Variants in PPP1R12A observed in about 807,000 individuals in gnomAD.
The protein encoded by PPP1R12A is myosin binding subunit.
A neutral mutation model predicts 139.6 loss-of-function variants in PPP1R12A; 19 were observed. The observed-to-expected ratio is 0.14, with a 90% CI of 0.09 to 0.20. PPP1R12A has a LOEUF of 0.20. Ranked by LOEUF, PPP1R12A falls within the 10% of genes least tolerant of loss-of-function variation. PPP1R12A has a pLI of 1.00. For synonymous variants in PPP1R12A, 427 were observed against 420.6 expected, an observed-to-expected ratio of 1.02 and a Z score of -0.19; for missense variants, 925 against 1,211.5, an observed-to-expected ratio of 0.76 and a Z score of 3.51.
chr12:79,933,726 C>G (rs1438105831), intron 1 of PPP1R12A, among the ~76,000 whole-genome samples: 1 of 152,214 alleles, frequency 6.6e-6, no homozygotes, highest in African/African-American at 2.4e-5. Context: ...GCAACATTAT[C>G]TCTGGATTGC....
chr12:79,794,193 T>C (rs1872232051), intron 18 of PPP1R12A, among the ~76,000 whole-genome samples: 2 of 152,048 alleles, frequency 1.3e-5, no homozygotes, highest in South Asian at 4.1e-4. Flanking sequence ...CTTTTCTATA[T>C]TAAAAATCAA....
At chr12:79,899,346 T>C (rs891622447) in intron 1 of PPP1R12A, among the ~76,000 whole-genome samples, 6 of 151,354 alleles carry the variant, frequency 4.0e-5, no homozygotes, top group Admixed American at 1.3e-4. Context: ...ATTCAGAACA[T>C]ACCATTACTA....
chr12:79,905,242 A>C lies in PPP1R12A; in HGVS notation c.237+29453T>G, dbSNP rs529686936. 2.0e-5 allele frequency among the ~76,000 whole-genome samples: 3 copies of C among 152,192 alleles called. No individual in the cohort carries two copies. In the East Asian group the frequency reaches 5.8e-4, roughly 29 times the overall value. ...ATTGAAAAGCCCATTAAACCTAAAA[A>C]CAGCACTACTAGAGCTTAACAACAA... On this transcript the variant is annotated intron_variant, in intron 1 of 24. Transcript: ENST00000450142.
rs116056218 is a variant in PPP1R12A, at chr12:79,882,088, G to C, written c.238-9150C>G. ...AAGGGGTCTGATGGGAGATGTACAG[G>C]ATTAATGTTGTTTTCATGCCTGCTA... is the stretch of plus-strand genomic sequence containing the variant. On this transcript the variant is annotated intron_variant, in intron 1 of 24. Transcript: ENST00000450142. Among the ~76,000 whole-genome samples the C allele has an allele frequency of 5.2e-3, 788 of 152,276 alleles. 5 individuals are homozygous for C. Among genetic ancestry groups the C allele is most frequent in the African/African-American group, 0.018 (748 of 41,566 alleles).
chr12:79,931,197 C>T (rs1189112541), intron 1 of PPP1R12A, among the ~76,000 whole-genome samples: 1 of 152,140 alleles, frequency 6.6e-6, no homozygotes, highest in Non-Finnish European at 1.5e-5. Flanking sequence ...CTATGAAAAT[C>T]TATATTTGAA....
In PPP1R12A at chr12:79,808,274, C is replaced by T. The variant is rs550245028; in HGVS notation, c.1550+209G>A. 1.2e-4 allele frequency among the ~76,000 whole-genome samples: 18 copies of T among 152,154 alleles called. No individual in the cohort carries two copies. The East Asian group carries it at 3.5e-3, about 29-fold the overall frequency. ...CTCCCACTTTCCCCTTACTCTGTTC[C>T]AGCCACATCTTCTTTGCTATTATTT... On this transcript the variant is annotated intron_variant, in intron 11 of 24. Coordinates refer to ENST00000450142, the MANE Select transcript of PPP1R12A (RefSeq NM_002480.3).
chr12:79,805,670 G>A lies in PPP1R12A; in HGVS notation c.1922C>T (p.Ala641Val). Residue 641 changes from alanine to valine, a missense_variant, in exon 14 of 25, where the codon GCT becomes GTT. Coordinates refer to ENST00000450142, the MANE Select transcript of PPP1R12A (RefSeq NM_002480.3). ...TIPVAPTVVN[A>V]AASTTTLTTT... is the part of the protein sequence containing the mutation. ...AGTCAGGGTTGTGGTAGAAGCTGCA[G>A]CATTTACAACAGTTGGAGCAACAGG... is the stretch of plus-strand genomic sequence containing the variant. The A allele has an allele frequency of 6.2e-7, 1 of 1,613,794 alleles. No homozygotes were observed. Among genetic ancestry groups the A allele is most frequent in the Non-Finnish European group, 8.5e-7 (1 of 1,179,790 alleles).
rs1396930999 is a variant in PPP1R12A at position 79,806,251 on chromosome 12, C to A, written c.1738G>T (p.Ala580Ser). The A allele has an allele frequency of 6.2e-7, 1 of 1,613,910 alleles. No homozygotes were observed. Among genetic ancestry groups the A allele is most frequent in the South Asian group, 1.1e-5 (1 of 91,086 alleles). The change falls in exon 13 of 25, where the codon GCT becomes TCT. Residue 580 changes from alanine to serine, a missense_variant. Physicochemically the swap from Ala to Ser is moderately conservative, Grantham distance 99. Coordinates refer to ENST00000450142, the MANE Select transcript of PPP1R12A (RefSeq NM_002480.3). ...GAAAGCAGGCTTTTCTGAAGCCCAG[C>A]TGCAGAGGTAACTGTTGGTGTTGAT... Reference protein sequence around the residue: ...TTSTPTVTSAAGLQKSLLSST... With the variant: ...TTSTPTVTSASGLQKSLLSST...
chr12:79,834,803 A>G (rs1321868958), intron 3 of PPP1R12A, among the ~76,000 whole-genome samples: 1 of 152,154 alleles, frequency 6.6e-6, no homozygotes, highest in East Asian at 1.9e-4. Context: ...TTTTTCCCCA[A>G]CCATTCTATT....
intron 1 of PPP1R12A, among the ~76,000 whole-genome samples, chr12:79,915,974 G>A (rs554843124): frequency 6.9e-6 from 1 of 145,072 alleles, no homozygotes; most frequent in African/African-American, 2.7e-5. Flanking sequence ...ATTTCCCCCA[G>A]TTATGTTTCT....
chr12:79,920,177 T>A (rs1007189955), intron 1 of PPP1R12A, among the ~76,000 whole-genome samples: 1 of 152,240 alleles, frequency 6.6e-6, no homozygotes, highest in Non-Finnish European at 1.5e-5. Context: ...TTAAGATTCA[T>A]CTTTGTAGCA....
At chr12:79,917,033 C>T (rs1407613722) in intron 1 of PPP1R12A, among the ~76,000 whole-genome samples, 4 of 152,144 alleles carry the variant, frequency 2.6e-5, no homozygotes, top group Admixed American at 6.5e-5. Flanking sequence ...TAAATAACCC[C>T]CCAAAGGGCT....
At chr12:79,921,643 T>C (rs1887449220) in intron 1 of PPP1R12A, among the ~76,000 whole-genome samples, 1 of 152,216 alleles carries the variant, frequency 6.6e-6, no homozygotes. Context: ...CTAGATTGTA[T>C]ACTACATGTA....
In PPP1R12A at chr12:79,775,666, T is replaced by TAA; in HGVS notation, c.*261_*262dup. ...GCTGTAAACAAGTTTTCTCAGTCATTAAAAAAAAATCTTCTCAGCAGCTGC... is the reference window on the plus strand; with the variant it reads ...GCTGTAAACAAGTTTTCTCAGTCATTAAAAAAAAAAATCTTCTCAGCAGCTGC... On this transcript the variant is annotated 3_prime_UTR_variant, in exon 25 of 25. Coordinates refer to ENST00000450142, the MANE Select transcript of PPP1R12A (RefSeq NM_002480.3). 8.1e-6 allele frequency: 2 copies of TAA among 246,214 alleles called. No individual in the cohort carries two copies. The highest frequency in any genetic ancestry group is 5.5e-5 in the Admixed American group (1 of 18,340). The allele number at this position is 246,214 out of a possible 1,614,324, so 15.3% of individuals were successfully genotyped here.
intron 22 of PPP1R12A, among the ~76,000 whole-genome samples, chr12:79,784,774 C>T (rs763839813): frequency 1.2e-4 from 19 of 152,026 alleles, no homozygotes; most frequent in Non-Finnish European, 2.4e-4. Context: ...GTAGCTGGGA[C>T]TACAGGCGCC....
chr12:79,792,063 C>T lies in PPP1R12A; in HGVS notation c.2650-1580G>A, dbSNP rs79145629. On this transcript the variant is annotated intron_variant, in intron 19 of 24. Coordinates refer to ENST00000450142, the MANE Select transcript of PPP1R12A (RefSeq NM_002480.3). Reference sequence around the variant, plus strand: ...TCTGACTATGGTATTGTAAAGTTCACATAATGGTATACAAAGTTCCTGTGT... The same window carrying T: ...TCTGACTATGGTATTGTAAAGTTCATATAATGGTATACAAAGTTCCTGTGT... Among the ~76,000 whole-genome samples the T allele has an allele frequency of 5.2e-3, 797 of 152,190 alleles. 5 individuals are homozygous for T. Among genetic ancestry groups the T allele is most frequent in the African/African-American group, 0.018 (758 of 41,518 alleles).
intron 10 of PPP1R12A, among the ~76,000 whole-genome samples, chr12:79,809,393 A>G (rs1283176447): frequency 6.6e-6 from 1 of 152,130 alleles, no homozygotes; most frequent in Non-Finnish European, 1.5e-5. Context: ...GTAGATGAAA[A>G]ATCTGGTATT....
intron 1 of PPP1R12A, among the ~76,000 whole-genome samples, chr12:79,932,373 TG>T (rs1171436725): frequency 6.6e-6 from 1 of 152,018 alleles, no homozygotes; most frequent in African/African-American, 2.4e-5. Context: ...ATAGTAACAA[TG>T]GGAAAAAAGT....
At chr12:79,878,560 G>A (rs1412802074) in intron 1 of PPP1R12A, 15 of 152,126 alleles carry the variant, frequency 9.9e-5, no homozygotes, top group Non-Finnish European at 1.5e-5. Flanking sequence ...AGACATACCA[G>A]AGACTGAGTA....
Sources: allele counts gnomAD v4.1 joint callset (sites outside exome capture counted in the v4.1 genomes callset), GRCh38; gene constraint gnomAD v4.1.1; transcripts MANE v1.5; gene names NCBI Gene and HGNC (gene_info 2026-07-23, HGNC 2026-07-21).